LHFPL6: variants seen among roughly 807,000 people sequenced by gnomAD.
LHFPL6 encodes LHFPL tetraspan subfamily member 6.
Under a neutral mutation model 20.6 loss-of-function variants are expected in LHFPL6, and 9 were observed. The ratio of observed to expected loss-of-function variants is 0.44; its 90% confidence interval spans 0.26 to 0.76. The LOEUF is 0.76. Among genes scored for constraint, LHFPL6 ranks in the 30% least tolerant of loss-of-function variants. LHFPL6 has a pLI of 0.20. For synonymous variants in LHFPL6, 105 were observed against 98.7 expected, an observed-to-expected ratio of 1.06 and a Z score of -0.38; for missense variants, 218 against 253.5, an observed-to-expected ratio of 0.86 and a Z score of 0.95.
At chr13:39,505,929 C>G (rs371816925) in intron 2 of LHFPL6, among the ~76,000 whole-genome samples, 1 of 152,176 alleles carries the variant, frequency 6.6e-6, no homozygotes, top group Admixed American at 6.5e-5. Context: ...GAGGAGCTAT[C>G]AATAATTTCT....
chr13:39,446,437 A>C (rs1273531902), intron 2 of LHFPL6, among the ~76,000 whole-genome samples: 1 of 152,198 alleles, frequency 6.6e-6, no homozygotes, highest in African/African-American at 2.4e-5. Context: ...CTATTGATGA[A>C]CTATGGTGGG....
chr13:39,446,856 T>C (rs1566113484), intron 2 of LHFPL6, among the ~76,000 whole-genome samples: 1 of 152,156 alleles, frequency 6.6e-6, no homozygotes, highest in East Asian at 1.9e-4. Context: ...CAATCCCTCA[T>C]AATCAATAAC....
At chr13:39,441,166 T>TG (rs1165819874) in intron 2 of LHFPL6, among the ~76,000 whole-genome samples, 1 of 99,942 alleles carries the variant, frequency 1.0e-5, no homozygotes. Context: ...TTTTTTTTTT[T>TG]GGAGAAAGGC....
intron 2 of LHFPL6, among the ~76,000 whole-genome samples, chr13:39,451,546 G>A (rs148048973): frequency 6.6e-6 from 1 of 152,162 alleles, no homozygotes; most frequent in South Asian, 2.1e-4. Context: ...ACTATTGTTG[G>A]CTATTAAATG....
At chr13:39,582,417 G>T (rs188762056) in intron 2 of LHFPL6, among the ~76,000 whole-genome samples, 308 of 152,272 alleles carry the variant, frequency 2.0e-3, no homozygotes, top group African/African-American at 7.0e-3. Context: ...GGAGGGTAAG[G>T]CCATTAAGGA....
At chr13:39,511,841 G>A (rs1426845685) in intron 2 of LHFPL6, among the ~76,000 whole-genome samples, 1 of 152,212 alleles carries the variant, frequency 6.6e-6, no homozygotes, top group Non-Finnish European at 1.5e-5. Context: ...CAAGTACAGA[G>A]CTATCCTTGA....
At chr13:39,398,758 G>A (rs765588416) in intron 2 of LHFPL6, among the ~76,000 whole-genome samples, 5 of 152,308 alleles carry the variant, frequency 3.3e-5, no homozygotes, top group East Asian at 1.9e-4. Flanking sequence ...CCTGAGCTCC[G>A]CATCCTGTCA....
In LHFPL6 at chr13:39,565,032, T is replaced by C. The variant is rs892428325; in HGVS notation, c.385+35800A>G. On this transcript the variant is annotated intron_variant, in intron 2 of 3. Transcript: ENST00000379589. The stretch of plus-strand genomic sequence containing the variant: ...GGCAATCCCAAGGCATAAACATCTC[T>C]TCTACATTCCAATGCTCTAAGAATG... 3.9e-5 allele frequency among the ~76,000 whole-genome samples: 6 copies of C among 152,180 alleles called. No homozygotes were observed. The East Asian group carries it at 1.2e-3, about 29-fold the overall frequency.
At chr13:39,460,303 C>T (rs999509916) in intron 2 of LHFPL6, among the ~76,000 whole-genome samples, 1 of 152,160 alleles carries the variant, frequency 6.6e-6, no homozygotes, top group Admixed American at 6.6e-5. Flanking sequence ...GTTAAAAGAG[C>T]TCTGATCAAA....
intron 2 of LHFPL6, among the ~76,000 whole-genome samples, chr13:39,462,497 C>T (rs1478155394): frequency 6.6e-6 from 1 of 152,218 alleles, no homozygotes; most frequent in Admixed American, 6.5e-5. Flanking sequence ...TCATTTCCTT[C>T]TACAAATATG....
intron 2 of LHFPL6, among the ~76,000 whole-genome samples, chr13:39,543,157 G>T (rs931451908): frequency 6.6e-6 from 1 of 152,088 alleles, no homozygotes; most frequent in Non-Finnish European, 1.5e-5. Flanking sequence ...ATGTTTTCAA[G>T]GTGCATCCAT....
At chr13:39,426,536 C>A (rs1380154224) in intron 2 of LHFPL6, among the ~76,000 whole-genome samples, 2 of 152,070 alleles carry the variant, frequency 1.3e-5, no homozygotes, top group African/African-American at 2.4e-5. Flanking sequence ...ACTTTATTTT[C>A]TATAAATTTG....
intron 2 of LHFPL6, among the ~76,000 whole-genome samples, chr13:39,540,024 T>C (rs1301463975): frequency 1.3e-5 from 2 of 152,190 alleles, no homozygotes; most frequent in Non-Finnish European, 2.9e-5. Flanking sequence ...ATTCATGTTA[T>C]ATAGATTCTC....
At chr13:39,539,836 G>A (rs1296938700) in intron 2 of LHFPL6, among the ~76,000 whole-genome samples, 1 of 152,136 alleles carries the variant, frequency 6.6e-6, no homozygotes, top group African/African-American at 2.4e-5. Flanking sequence ...TGCCCCTTTG[G>A]TTCAGACTGC....
chr13:39,578,443 T>G (rs1346544413), intron 2 of LHFPL6, among the ~76,000 whole-genome samples: 4 of 152,210 alleles, frequency 2.6e-5, no homozygotes, highest in Non-Finnish European at 4.4e-5. Flanking sequence ...CAGAATTTTA[T>G]TTTAAGCATT....
At chr13:39,593,606 A>G (rs1334919542) in intron 2 of LHFPL6, among the ~76,000 whole-genome samples, 5 of 152,186 alleles carry the variant, frequency 3.3e-5, no homozygotes, top group African/African-American at 7.2e-5. Flanking sequence ...CAGAATTGGA[A>G]AAAACTACTT....
chr13:39,480,661 T>C (rs1868480774), intron 2 of LHFPL6, among the ~76,000 whole-genome samples: 1 of 152,144 alleles, frequency 6.6e-6, no homozygotes, highest in Non-Finnish European at 1.5e-5. Flanking sequence ...GCCACCCTTT[T>C]TTACTCAAGA....
At chr13:39,585,076 C>T (rs781464940) in intron 2 of LHFPL6, among the ~76,000 whole-genome samples, 2 of 152,154 alleles carry the variant, frequency 1.3e-5, no homozygotes, top group Non-Finnish European at 2.9e-5. Context: ...CCACAGCACC[C>T]CAATACACCC....
chr13:39,479,643 C>T (rs1012932741), intron 2 of LHFPL6, among the ~76,000 whole-genome samples: 1 of 152,110 alleles, frequency 6.6e-6, no homozygotes, highest in African/African-American at 2.4e-5. Context: ...TGTTTTGAGT[C>T]TTTGTGGGTT....
Sources: gnomAD v4.1 joint callset for allele counts (sites outside exome capture counted in the v4.1 genomes callset) on GRCh38, gnomAD v4.1.1 for gene constraint, MANE v1.5 for transcripts, NCBI Gene and HGNC (gene_info 2026-07-23, HGNC 2026-07-21) for gene names.